The following SUDS3 variants were observed in gnomAD, a reference collection of about 807,000 sequenced individuals.
SUDS3 encodes the protein sin3 histone deacetylase corepressor complex component SDS3.
SUDS3 carries 23 observed loss-of-function variants against 53.5 expected under a neutral mutation model. That is an observed-to-expected ratio of 0.43 (90% CI 0.31 to 0.61). SUDS3 has a LOEUF of 0.61. SUDS3 is among the 20% of genes least tolerant of loss of function. The pLI is 0.10. For synonymous variants in SUDS3, 150 were observed against 148.5 expected, an observed-to-expected ratio of 1.01 and a Z score of -0.08; for missense variants, 291 against 405.9, an observed-to-expected ratio of 0.72 and a Z score of 2.43.
intron 4 of SUDS3, among the ~76,000 whole-genome samples, chr12:118,387,288 TC>T (rs977510090): frequency 2.6e-5 from 4 of 152,150 alleles, no homozygotes; most frequent in Admixed American, 2.6e-4. Flanking sequence ...TTCCTAGACT[TC>T]CCTTTTAGCA....
chr12:118,409,170 T>TA, intron 10 of SUDS3, among the ~76,000 whole-genome samples: 1 of 151,018 alleles, frequency 6.6e-6, no homozygotes, highest in East Asian at 1.9e-4. Context: ...TTTTTTAAGA[T>TA]AGAGTCTCGC....
At chr12:118,401,695 T>C (rs368219680) in intron 7 of SUDS3, 64 bp from the exon 8 acceptor site, 21 of 1,276,854 alleles carry the variant, frequency 1.6e-5, no homozygotes, top group Non-Finnish European at 2.2e-5. Flanking sequence ...ACTGGTACCA[T>C]TGTGTTGATT....
chr12:118,383,726 T>C (rs1418826446), intron 2 of SUDS3, among the ~76,000 whole-genome samples: 2 of 152,238 alleles, frequency 1.3e-5, no homozygotes, highest in East Asian at 3.8e-4. Context: ...TTTATTAAAA[T>C]CTGCTATCGT....
chr12:118,411,316 A>G (rs60799477), intron 11 of SUDS3, among the ~76,000 whole-genome samples, 159 bp downstream of exon 11: 3,071 of 152,264 alleles, frequency 0.02, 92 homozygotes, highest in African/African-American at 0.069. Context: ...CACATTGTCA[A>G]AATCATCCTT....
intron 11 of SUDS3, among the ~76,000 whole-genome samples, chr12:118,411,756 C>T (rs934041784): frequency 6.6e-6 from 1 of 152,118 alleles, no homozygotes; most frequent in Non-Finnish European, 1.5e-5. Flanking sequence ...CCAGCTCGGC[C>T]TCCCAAAGTG....
chr12:118,390,466 G>T (rs1350982788), intron 5 of SUDS3, among the ~76,000 whole-genome samples: 1 of 152,158 alleles, frequency 6.6e-6, no homozygotes, highest in Non-Finnish European at 1.5e-5. Flanking sequence ...GTGTGTGGGG[G>T]TTACTTTTTG....
chr12:118,395,598 C>T (rs1464962157), intron 6 of SUDS3, among the ~76,000 whole-genome samples: 1 of 152,102 alleles, frequency 6.6e-6, no homozygotes, highest in East Asian at 1.9e-4. Context: ...ATTGCTCTCC[C>T]TTCATAATGG....
At chr12:118,400,819 C>T (rs1056900604) in intron 7 of SUDS3, 65 bp downstream of exon 7, 13 of 1,470,308 alleles carry the variant, frequency 8.8e-6, no homozygotes, top group East Asian at 4.5e-5. Context: ...TATGTTTATC[C>T]GTTTGCTAGG....
At chr12:118,376,911 G>T in intron 1 of SUDS3, 78 bp downstream of exon 1, 1 of 1,335,598 alleles carries the variant, frequency 7.5e-7, no homozygotes, top group Non-Finnish European at 9.7e-7. Flanking sequence ...TTCGGGAGAG[G>T]GGCGGGGCGG....
At chr12:118,392,526 T>A (rs572751255) in intron 6 of SUDS3, among the ~76,000 whole-genome samples, 8 of 152,176 alleles carry the variant, frequency 5.3e-5, no homozygotes, top group Non-Finnish European at 1.0e-4. Context: ...CTCAGAAATG[T>A]TTTTTTGTGA....
chr12:118,410,599 T>A (rs1734737988), intron 10 of SUDS3, among the ~76,000 whole-genome samples: 1 of 150,620 alleles, frequency 6.6e-6, no homozygotes, highest in Non-Finnish European at 1.5e-5. Context: ...TTTATTTATT[T>A]ATTTATTTAT....
At chr12:118,410,176 C>G (rs2046345683) in intron 10 of SUDS3, among the ~76,000 whole-genome samples, 1 of 152,220 alleles carries the variant, frequency 6.6e-6, no homozygotes, top group South Asian at 2.1e-4. Flanking sequence ...TTGTCCCCAG[C>G]CTCCAGCATA....
chr12:118,377,931 G>A (rs960195623), intron 1 of SUDS3, among the ~76,000 whole-genome samples: 2 of 152,182 alleles, frequency 1.3e-5, no homozygotes, highest in Non-Finnish European at 2.9e-5. Flanking sequence ...AAGGGTTTGT[G>A]GGGAATTGGA....
At chr12:118,387,769 T>C (rs928954279) in intron 4 of SUDS3, among the ~76,000 whole-genome samples, 1 of 152,172 alleles carries the variant, frequency 6.6e-6, no homozygotes, top group African/African-American at 2.4e-5. Context: ...CAGGCTGCTC[T>C]CAAACTCCTG....
intron 6 of SUDS3, 112 bp downstream of exon 6, chr12:118,391,394 G>A (rs2046166778): frequency 7.9e-7 from 1 of 1,258,088 alleles, no homozygotes; most frequent in African/African-American, 1.5e-5. Context: ...TGGAGAGTGG[G>A]TTTTGACCTC....
rs1012401660 is a variant in SUDS3, at chr12:118,380,712, CT to C, written c.212+489del. Among the ~76,000 whole-genome samples, 9 of 152,186 alleles carry C rather than the reference CT, an allele frequency of 5.9e-5. No homozygotes were observed. In the East Asian group the frequency reaches 1.2e-3, roughly 20 times the overall value. On this transcript the variant is annotated intron_variant, in intron 2 of 11. Transcript: ENST00000543473. ...AGGAGAGGACCTTTTACTACTTACT[CT>C]TTTTTTTCCTTGAGACAGAGCCTTG...
chr12:118,381,170 G>C (rs1175356808), intron 2 of SUDS3, among the ~76,000 whole-genome samples: 1 of 151,976 alleles, frequency 6.6e-6, no homozygotes, highest in Admixed American at 6.6e-5. Flanking sequence ...AAAGCAGGCT[G>C]CTGACTCTTA....
At chr12:118,389,400 G>A (rs1387073547) in intron 4 of SUDS3, among the ~76,000 whole-genome samples, 7 of 152,142 alleles carry the variant, frequency 4.6e-5, no homozygotes, top group African/African-American at 1.4e-4. Context: ...GACTGTTGGC[G>A]GGTGGACTGA....
At chr12:118,382,289 CT>C (rs1440178058) in intron 2 of SUDS3, among the ~76,000 whole-genome samples, 2 of 151,956 alleles carry the variant, frequency 1.3e-5, no homozygotes, top group Non-Finnish European at 2.9e-5. Flanking sequence ...CTCAGATGAT[CT>C]GCTTGCTTCA....
Sources: gnomAD v4.1 joint callset for allele counts (sites outside exome capture counted in the v4.1 genomes callset) on GRCh38, gnomAD v4.1.1 for gene constraint, MANE v1.5 for transcripts, NCBI Gene and HGNC (gene_info 2026-07-23, HGNC 2026-07-21) for gene names.